Variants in AKR1B10 observed in about 807,000 individuals in gnomAD.
The protein encoded by AKR1B10 is ARP.
AKR1B10 carries 39 observed loss-of-function variants against 38.9 expected under a neutral mutation model. That is an observed-to-expected ratio of 1.00 (90% CI 0.78 to 1.31). The LOEUF (loss-of-function observed/expected upper bound fraction) is 1.31, where lower values mean the gene tolerates loss of function less well. AKR1B10 is among the 50% of genes most tolerant of loss of function. The pLI is 0.00. For missense variants in AKR1B10, 361 were observed against 382.6 expected, an observed-to-expected ratio of 0.94 and a Z score of 0.47; for synonymous variants, 148 against 141.2, an observed-to-expected ratio of 1.05 and a Z score of -0.34.
chr7:134,536,710 C>G lies in AKR1B10; in HGVS notation c.490C>G (p.His164Asp). ...AGCCCTTGGGGTCTCCAATTTCAGC[C>G]ACTTCCAGATCGAGAAGCTCTTGAA... ...VKALGVSNFS[H>D]FQIEKLLNKP... The change falls in exon 5 of 10, where the codon CAC becomes GAC. Residue 164 changes from histidine to aspartate, a missense_variant. Coordinates refer to ENST00000359579, the MANE Select transcript of AKR1B10 (RefSeq NM_020299.5). The G allele has an allele frequency of 6.2e-7, 1 of 1,613,906 alleles. No homozygotes were observed. The highest frequency in any genetic ancestry group is 8.5e-7 in the Non-Finnish European group (1 of 1,179,828).
In AKR1B10 at chr7:134,541,309, A is replaced by AT. The variant is rs1393008725; in HGVS notation, c.*226dup. ...GCATGGCTTGAATAAGGAAATGACA[A>AT]TTTTTTCCACTTATCTGATCAGAAC... On this transcript the variant is annotated 3_prime_UTR_variant, in exon 10 of 10. Transcript: ENST00000359579. The AT allele has an allele frequency of 4.1e-6, 2 of 486,510 alleles. No individual in the cohort carries two copies. The highest frequency in any genetic ancestry group is 2.0e-5 in the African/African-American group (1 of 49,966). 30.1% of individuals were successfully genotyped at this position (486,510 alleles called of 1,614,324 possible).
intron 9 of AKR1B10, among the ~76,000 whole-genome samples, chr7:134,540,037 C>G (rs1808106844): frequency 6.6e-6 from 1 of 152,108 alleles, no homozygotes; most frequent in East Asian, 1.9e-4. Context: ...ACCATCCTGG[C>G]TAACATGGTG....
At chr7:134,535,585 C>CTTTTTTTTTTTTTT (rs58628862) in intron 4 of AKR1B10, 37 of 410,556 alleles carry the variant, frequency 9.0e-5, no homozygotes, top group East Asian at 4.4e-4. Context: ...TCTTTTCTGT[C>CTTTTTTTTTTTTTT]TTTTTTTTTT....
chr7:134,528,785 A>G (rs1468410449), intron 1 of AKR1B10, among the ~76,000 whole-genome samples: 2 of 152,140 alleles, frequency 1.3e-5, no homozygotes, highest in Admixed American at 1.3e-4. Flanking sequence ...CAAAATGCAG[A>G]GTCTCAGGCT....
At chr7:134,533,416 T>C (rs1807919254) in intron 4 of AKR1B10, among the ~76,000 whole-genome samples, 2 of 152,196 alleles carry the variant, frequency 1.3e-5, no homozygotes, top group African/African-American at 2.4e-5. Flanking sequence ...GGGTCAGTTT[T>C]GTAACTCATG....
chr7:134,532,487 C>T (rs973046389), intron 3 of AKR1B10, among the ~76,000 whole-genome samples: 1 of 152,106 alleles, frequency 6.6e-6, no homozygotes, highest in African/African-American at 2.4e-5. Context: ...GTGATCCAGG[C>T]ACCCATTGCC....
intron 1 of AKR1B10, among the ~76,000 whole-genome samples, chr7:134,529,398 T>C (rs1807787333): frequency 6.6e-6 from 1 of 152,226 alleles, no homozygotes; most frequent in South Asian, 2.1e-4. Context: ...CTCCAGGGAA[T>C]CTACTCACCC....
chr7:134,535,607 T>TTTTTG, intron 4 of AKR1B10: 1 of 951,626 alleles, frequency 1.1e-6, no homozygotes, highest in South Asian at 5.0e-5. Flanking sequence ...TTTTTTTTTT[T>TTTTTG]TCTTTTGAGG....
intron 1 of AKR1B10, among the ~76,000 whole-genome samples, chr7:134,530,065 C>T (rs1332647214): frequency 6.6e-6 from 1 of 152,050 alleles, no homozygotes; most frequent in Non-Finnish European, 1.5e-5. Flanking sequence ...ACAAGGTTTA[C>T]AGAGATTGAA....
Position 134,531,896 on chromosome 7 carries a change from C to T in AKR1B10, c.235-12C>T. ...TCCCAGTATTAATAGCTCATTGCTA[C>T]ACTCTTTGCAGTTGTGGCCCACTTT... On this transcript the variant is annotated splice_polypyrimidine_tract_variant and intron_variant, in intron 2 of 9. Transcript: ENST00000359579. The T allele has an allele frequency of 1.2e-6, 2 of 1,613,910 alleles. No individual in the cohort carries two copies. Among genetic ancestry groups the T allele is most frequent in the Middle Eastern group, 1.7e-4 (1 of 6,056 alleles).
At chr7:134,536,876 G>C in intron 5 of AKR1B10, 104 bp downstream of exon 5, 2 of 1,580,740 alleles carry the variant, frequency 1.3e-6, no homozygotes, top group South Asian at 1.2e-5. Flanking sequence ...TCAGGGGTCA[G>C]TGATCAGGAC....
At chr7:134,529,844 T>C (rs1807802622) in intron 1 of AKR1B10, among the ~76,000 whole-genome samples, 1 of 152,040 alleles carries the variant, frequency 6.6e-6, no homozygotes, top group African/African-American at 2.4e-5. Flanking sequence ...CCCCTCCCTC[T>C]CTCTTTCTTT....
intron 8 of AKR1B10, among the ~76,000 whole-genome samples, 167 bp downstream of exon 8, chr7:134,538,444 A>G (rs1223463750): frequency 6.6e-6 from 1 of 152,110 alleles, no homozygotes; most frequent in Non-Finnish European, 1.5e-5. Context: ...GCTGAGATGA[A>G]TGACCCATGG....
At chr7:134,536,980 T>A in intron 5 of AKR1B10, 71 bp from the exon 6 acceptor site, 1 of 1,559,514 alleles carries the variant, frequency 6.4e-7, no homozygotes, top group Non-Finnish European at 8.7e-7. Context: ...TTTTTTTGTG[T>A]GTAGAACTCC....
At chr7:134,535,688 C>T in intron 4 of AKR1B10, 8 of 982,060 alleles carry the variant, frequency 8.1e-6, no homozygotes, top group Non-Finnish European at 9.6e-6. Flanking sequence ...TTTCTCTGCC[C>T]TTTCTGACTC....
chr7:134,531,656 A>G (rs1400673213), intron 2 of AKR1B10, among the ~76,000 whole-genome samples: 1 of 152,242 alleles, frequency 6.6e-6, no homozygotes, highest in East Asian at 1.9e-4. Context: ...GGCCACATTT[A>G]CTTCAATGAT....
chr7:134,538,290 C>G lies in AKR1B10; in HGVS notation c.825+13C>G. 6.2e-7 allele frequency: 1 copy of G among 1,609,690 alleles called. No individual in the cohort carries two copies. Among genetic ancestry groups the G allele is most frequent in the Non-Finnish European group, 8.5e-7 (1 of 1,176,134 alleles). ...TGAGAACATTCAGGTAAGTTTCCGG[C>G]TGGTCGGCCCTGGTATTCCTCAGTG... On this transcript the variant is annotated intron_variant, in intron 8 of 9. Coordinates refer to ENST00000359579, the MANE Select transcript of AKR1B10 (RefSeq NM_020299.5).
At chr7:134,532,556 C>T (rs1807889622) in intron 3 of AKR1B10, among the ~76,000 whole-genome samples, 1 of 152,114 alleles carries the variant, frequency 6.6e-6, no homozygotes, top group Non-Finnish European at 1.5e-5. Flanking sequence ...CAGCTCTCTC[C>T]CCTCCTGACC....
At position 134,533,066 on chromosome 7, in the gene AKR1B10, C is replaced by A. The variant is rs754791433; in HGVS notation, c.414C>A (p.Phe138Leu). The change falls in exon 4 of 10, where the codon TTC (phenylalanine) becomes TTA (leucine). Residue 138 changes from phenylalanine to leucine, a missense_variant. Around this residue, in one of 3 missense-constraint regions of AKR1B10, gnomAD observed 220 missense variants for 216.1 expected, o/e 1.02. Coordinates refer to ENST00000359579, the MANE Select transcript of AKR1B10 (RefSeq NM_020299.5). ...ATGCCATCGGTGGAAAAGCAACGTT[C>A]TTGGATGCCTGGGAGGTAGGTTCCC... ...KGNAIGGKAT[F>L]LDAWEAMEEL... 6.3e-7 allele frequency: 1 copy of A among 1,597,582 alleles called. No homozygotes were observed. The highest frequency in any genetic ancestry group is 8.5e-7 in the Non-Finnish European group (1 of 1,174,126).
Sources: gnomAD v4.1 joint callset for allele counts (sites outside exome capture counted in the v4.1 genomes callset) on GRCh38, gnomAD v4.1.1 for gene constraint, gnomAD v4.1.1 regional missense constraint, MANE v1.5 for transcripts, NCBI Gene and HGNC (gene_info 2026-07-23, HGNC 2026-07-21) for gene names.